The following GLMN variants were observed in gnomAD, a reference collection of about 807,000 sequenced individuals.
GLMN encodes glomulin.
Under a neutral mutation model 87.8 loss-of-function variants are expected in GLMN, and 75 were observed. That is an observed-to-expected ratio of 0.85 (90% CI 0.71 to 1.04). GLMN has a LOEUF of 1.04. GLMN is among the 50% of genes least tolerant of loss of function. The pLI, the probability that GLMN is intolerant of heterozygous loss-of-function variation, is 0.00. For missense variants in GLMN, 588 were observed against 658.8 expected, an observed-to-expected ratio of 0.89 and a Z score of 1.18; for synonymous variants, 206 against 221.6, an observed-to-expected ratio of 0.93 and a Z score of 0.63.
chr1:92,362,684 T>C, the GLMN span, among the ~76,000 whole-genome samples: 3 of 152,194 alleles, frequency 2.0e-5, no homozygotes. Flanking sequence ...GACATTACAG[T>C]AATTGAATCT....
At chr1:92,259,605 TCTGA>T (rs747086275) in intron 16 of GLMN, among the ~76,000 whole-genome samples, 33 of 152,310 alleles carry the variant, frequency 2.2e-4, no homozygotes, top group South Asian at 1.0e-3. Flanking sequence ...CTGCTTTTCA[TCTGA>T]CTAATTACCC....
the GLMN span, among the ~76,000 whole-genome samples, chr1:92,316,858 A>G: frequency 9.2e-5 from 14 of 152,322 alleles, no homozygotes; most frequent in African/African-American, 3.4e-4. Flanking sequence ...TTTATATCGA[A>G]TCTTGAATCT....
chr1:92,278,874 T>G (rs1453572711), intron 7 of GLMN, among the ~76,000 whole-genome samples: 1 of 152,240 alleles, frequency 6.6e-6, no homozygotes, highest in Non-Finnish European at 1.5e-5. Context: ...TCTAGCCCAA[T>G]GACCTTTGCC....
intron 4 of GLMN, among the ~76,000 whole-genome samples, chr1:92,290,806 A>G (rs888641536): frequency 3.9e-5 from 6 of 152,222 alleles, no homozygotes; most frequent in African/African-American, 1.4e-4. Context: ...ATATTTGGGT[A>G]TATTTGCACT....
At chr1:92,300,903 AAATT>A (rs1233272354), upstream of GLMN, among the ~76,000 whole-genome samples, 1 of 152,034 alleles carries the variant, frequency 6.6e-6, no homozygotes, top group East Asian at 1.9e-4. Flanking sequence ...AAATAATAAT[AAATT>A]AATTAGTTAA....
intron 16 of GLMN, among the ~76,000 whole-genome samples, chr1:92,252,303 A>T (rs1570829719): frequency 6.6e-6 from 1 of 152,290 alleles, no homozygotes; most frequent in East Asian, 1.9e-4. Context: ...CCCAGATGGG[A>T]GGATCACCTG....
chr1:92,345,087 AATTT>A, the GLMN span, among the ~76,000 whole-genome samples: 8 of 152,258 alleles, frequency 5.3e-5, no homozygotes, highest in African/African-American at 1.7e-4. Flanking sequence ...CTATTCTTAT[AATTT>A]ATTAAGCCAA....
chr1:92,361,540 G>T, the GLMN span, among the ~76,000 whole-genome samples: 1 of 152,108 alleles, frequency 6.6e-6, no homozygotes, highest in African/African-American at 2.4e-5. Context: ...CTGAAGAAAA[G>T]ACTTTCATTA....
chr1:92,273,736 G>A (rs907953796), intron 7 of GLMN, among the ~76,000 whole-genome samples: 1 of 151,832 alleles, frequency 6.6e-6, no homozygotes, highest in Admixed American at 6.6e-5. Context: ...GCCTACAAGC[G>A]GGAGCTACCG....
intron 13 of GLMN, among the ~76,000 whole-genome samples, chr1:92,265,846 C>T (rs942127109): frequency 5.3e-5 from 8 of 152,170 alleles, no homozygotes; most frequent in East Asian, 1.9e-4. Flanking sequence ...CTGGAACACA[C>T]CCATCCCCAA....
At chr1:92,364,747 T>C in the GLMN span, among the ~76,000 whole-genome samples, 2 of 152,138 alleles carry the variant, frequency 1.3e-5, no homozygotes, top group Admixed American at 1.3e-4. Flanking sequence ...CTTCATTACT[T>C]GCCTAGACTG....
intron 7 of GLMN, among the ~76,000 whole-genome samples, chr1:92,281,489 C>G (rs530178661): frequency 2.0e-5 from 3 of 152,208 alleles, no homozygotes; most frequent in Admixed American, 1.3e-4. Flanking sequence ...TGAATAGGAA[C>G]GACCGGTACC....
the GLMN span, among the ~76,000 whole-genome samples, chr1:92,361,158 C>T: frequency 9.3e-5 from 14 of 151,188 alleles, no homozygotes; most frequent in African/African-American, 3.2e-4. Context: ...CACACACACA[C>T]GTAAGTTTCT....
chr1:92,318,314 T>C, the GLMN span, among the ~76,000 whole-genome samples: 5 of 152,210 alleles, frequency 3.3e-5, no homozygotes, highest in Non-Finnish European at 7.3e-5. Context: ...TGGGGAAATA[T>C]TATGTTACTC....
intron 7 of GLMN, among the ~76,000 whole-genome samples, chr1:92,279,599 C>G (rs1246727322): frequency 1.3e-5 from 2 of 152,026 alleles, no homozygotes; most frequent in Non-Finnish European, 2.9e-5. Flanking sequence ...CTCACTGGGA[C>G]TGGTTGGACA....
the GLMN span, among the ~76,000 whole-genome samples, chr1:92,356,820 T>A: frequency 5.3e-5 from 8 of 151,802 alleles, 1 homozygote; most frequent in South Asian, 1.5e-3. Context: ...CCCAGCACTT[T>A]GGGAGGCTAA....
chr1:92,368,295 C>T, the GLMN span, among the ~76,000 whole-genome samples: 92 of 152,250 alleles, frequency 6.0e-4, no homozygotes, highest in Non-Finnish European at 7.5e-4. Flanking sequence ...AGGAGAATCG[C>T]CTGAACCCAG....
intron 7 of GLMN, among the ~76,000 whole-genome samples, chr1:92,275,759 A>C (rs1451328878): frequency 6.6e-6 from 1 of 152,210 alleles, no homozygotes; most frequent in Non-Finnish European, 1.5e-5. Flanking sequence ...TGCATTTAAC[A>C]GTACTGATCA....
chr1:92,287,061 C>T (rs1203954601), intron 6 of GLMN, among the ~76,000 whole-genome samples: 1 of 152,190 alleles, frequency 6.6e-6, no homozygotes, highest in African/African-American at 2.4e-5. Context: ...TAACGTCGTT[C>T]GTACTAGTAA....
Sources: allele counts gnomAD v4.1 joint callset (sites outside exome capture counted in the v4.1 genomes callset), GRCh38; gene constraint gnomAD v4.1.1; transcripts MANE v1.5; gene names NCBI Gene and HGNC (gene_info 2026-07-23, HGNC 2026-07-21).